Variants in ADRA1B observed in about 807,000 individuals in gnomAD.
The protein encoded by ADRA1B is alpha-1B adrenergic receptor.
A neutral mutation model predicts 17.9 loss-of-function variants in ADRA1B; 17 were observed. That is an observed-to-expected ratio of 0.95 (90% CI 0.65 to 1.42). ADRA1B has a LOEUF of 1.42. Ranked by LOEUF, ADRA1B falls within the 40% of genes most tolerant of loss-of-function variation. The pLI is 0.00. For missense variants in ADRA1B, 681 were observed against 722.1 expected (o/e 0.94, Z 0.65); for synonymous variants, 366 against 327.6 (o/e 1.12, Z -1.27).
chr5:159,899,192 A>T (rs532942656), intron 1 of ADRA1B, among the ~76,000 whole-genome samples: 5 of 150,706 alleles, frequency 3.3e-5, no homozygotes, highest in Middle Eastern at 3.4e-3. Flanking sequence ...AAGAAAAGAA[A>T]AGAAAGAATG....
At chr5:159,886,409 A>G (rs1381109396) in intron 1 of ADRA1B, among the ~76,000 whole-genome samples, 1 of 152,190 alleles carries the variant, frequency 6.6e-6, no homozygotes, top group Non-Finnish European at 1.5e-5. Flanking sequence ...ATCCTTGCCA[A>G]TGAGGAGTTC....
intron 1 of ADRA1B, among the ~76,000 whole-genome samples, chr5:159,925,616 G>A (rs1285516507): frequency 1.3e-5 from 2 of 152,156 alleles, no homozygotes; most frequent in Non-Finnish European, 2.9e-5. Flanking sequence ...CATCGTGGGC[G>A]AGAGAGTATT....
intron 1 of ADRA1B, among the ~76,000 whole-genome samples, chr5:159,965,772 G>C (rs1755764857): frequency 6.6e-6 from 1 of 152,174 alleles, no homozygotes; most frequent in Non-Finnish European, 1.5e-5. Context: ...TAGGGAAGCA[G>C]GCACGCCCCA....
At chr5:159,921,810 G>A (rs2113165213) in intron 1 of ADRA1B, among the ~76,000 whole-genome samples, 1 of 152,278 alleles carries the variant, frequency 6.6e-6, no homozygotes, top group Non-Finnish European at 1.5e-5. Context: ...TCAAATGGGG[G>A]CTGACGAATT....
At chr5:159,986,381 G>A in the ADRA1B span, among the ~76,000 whole-genome samples, 10 of 152,210 alleles carry the variant, frequency 6.6e-5, no homozygotes, top group African/African-American at 9.6e-5. Context: ...GTGTAAGCCA[G>A]TATATCCAAC....
At chr5:159,879,985 G>A (rs933559668) in intron 1 of ADRA1B, among the ~76,000 whole-genome samples, 5 of 152,122 alleles carry the variant, frequency 3.3e-5, no homozygotes, top group African/African-American at 7.2e-5. Flanking sequence ...TACAGAGCGA[G>A]ACCCTGTCTC....
At chr5:159,956,484 T>G (rs986133709) in intron 1 of ADRA1B, among the ~76,000 whole-genome samples, 15 of 152,156 alleles carry the variant, frequency 9.9e-5, no homozygotes, top group Admixed American at 2.0e-4. Context: ...GCTACTTAAT[T>G]TTGTTATGGA....
chr5:159,971,456 A>C (rs1197259329), intron 1 of ADRA1B, among the ~76,000 whole-genome samples: 1 of 151,784 alleles, frequency 6.6e-6, no homozygotes, highest in East Asian at 1.9e-4. Flanking sequence ...TTTTCCACGG[A>C]AACAAGTCGG....
chr5:159,964,393 A>G lies in ADRA1B; in HGVS notation c.950-7486A>G, dbSNP rs146328458. 1.4e-3 allele frequency among the ~76,000 whole-genome samples: 213 copies of G among 152,318 alleles called. 1 individual carries two copies. The highest frequency in any genetic ancestry group is 4.7e-3 in the African/African-American group (196 of 41,576). On this transcript the variant is annotated intron_variant, in intron 1 of 1. Transcript: ENST00000306675. ...CTGGAGCTATCCAGGAGGTACAAACATTGTTTTGTTTTCATCTTATTTTCT... is the reference window on the plus strand; with the variant it reads ...CTGGAGCTATCCAGGAGGTACAAACGTTGTTTTGTTTTCATCTTATTTTCT...
At chr5:159,868,047 C>T (rs947391856) in intron 1 of ADRA1B, 3 of 152,202 alleles carry the variant, frequency 2.0e-5, no homozygotes, top group African/African-American at 4.8e-5. Context: ...CCAGCTCTGG[C>T]ACCAACTTAC....
chr5:159,954,014 G>T (rs939008232), intron 1 of ADRA1B, among the ~76,000 whole-genome samples: 1 of 152,114 alleles, frequency 6.6e-6, no homozygotes, highest in African/African-American at 2.4e-5. Flanking sequence ...AGAAATGCTC[G>T]CCTGAAAAGA....
chr5:159,887,915 A>G (rs1234908643), intron 1 of ADRA1B: 2 of 152,162 alleles, frequency 1.3e-5, no homozygotes, highest in Admixed American at 1.3e-4. Flanking sequence ...AGAATTCTAG[A>G]ATGCCCACCC....
At chr5:159,869,575 A>G (rs1753708722) in intron 1 of ADRA1B, 2 of 152,278 alleles carry the variant, frequency 1.3e-5, no homozygotes, top group Admixed American at 1.3e-4. Flanking sequence ...TGTAGAAGAC[A>G]TGTTTGCACT....
chr5:159,980,573 TG>T, the ADRA1B span, among the ~76,000 whole-genome samples: 2 of 152,158 alleles, frequency 1.3e-5, no homozygotes, highest in African/African-American at 4.8e-5. Flanking sequence ...TTCTGCTACT[TG>T]CCAGCTATGT....
At chr5:159,926,644 T>C (rs1354508418) in intron 1 of ADRA1B, among the ~76,000 whole-genome samples, 1 of 152,076 alleles carries the variant, frequency 6.6e-6, no homozygotes, top group Non-Finnish European at 1.5e-5. Flanking sequence ...CCCAGCACTT[T>C]GGGAGGCCGA....
intron 1 of ADRA1B, among the ~76,000 whole-genome samples, chr5:159,949,392 G>C (rs745944331): frequency 1.3e-5 from 2 of 152,132 alleles, no homozygotes; most frequent in African/African-American, 4.8e-5. Flanking sequence ...GTACATGGGC[G>C]CTTTTGAAAA....
At chr5:159,945,074 AT>A (rs1311457002) in intron 1 of ADRA1B, among the ~76,000 whole-genome samples, 13 of 152,330 alleles carry the variant, frequency 8.5e-5, no homozygotes, top group Non-Finnish European at 1.8e-4. Context: ...GAAAAAGAAA[AT>A]AATTAATTTT....
intron 1 of ADRA1B, among the ~76,000 whole-genome samples, chr5:159,968,946 G>A (rs975456676): frequency 1.3e-5 from 2 of 152,164 alleles, no homozygotes; most frequent in African/African-American, 4.8e-5. Flanking sequence ...TTCAGACTCA[G>A]TGACAGAAAT....
chr5:159,917,293 A>C lies in ADRA1B; in HGVS notation c.388A>C (p.Thr130Pro). The C allele has an allele frequency of 6.2e-7, 1 of 1,614,076 alleles. No homozygotes were observed. Among genetic ancestry groups the C allele is most frequent in the Non-Finnish European group, 8.5e-7 (1 of 1,180,020 alleles). ...IWAAVDVLCCTASILSLCAIS... is the reference protein window; with the variant it reads ...IWAAVDVLCCPASILSLCAIS... ...GGCAGCCGTGGATGTCCTGTGCTGCACAGCGTCCATTCTGAGCCTGTGCGC... is the reference window on the plus strand; with the variant it reads ...GGCAGCCGTGGATGTCCTGTGCTGCCCAGCGTCCATTCTGAGCCTGTGCGC... The change falls in exon 1 of 2, where the codon ACA becomes CCA. Residue 130 changes from threonine (T) to proline (P), a missense_variant. Thr to Pro is a conservative substitution (Grantham distance 38). Transcript: ENST00000306675.
Sources: allele counts gnomAD v4.1 joint callset (sites outside exome capture counted in the v4.1 genomes callset), GRCh38; gene constraint gnomAD v4.1.1; transcripts MANE v1.5; gene names NCBI Gene and HGNC (gene_info 2026-07-23, HGNC 2026-07-21).